Variants in GLIS3 observed in about 807,000 individuals in gnomAD.
GLIS3 encodes zinc finger protein GLIS3.
GLIS3 carries 53 observed loss-of-function variants against 78.6 expected under a neutral mutation model. The ratio of observed to expected loss-of-function variants is 0.67; its 90% confidence interval spans 0.54 to 0.85. The LOEUF (loss-of-function observed/expected upper bound fraction) is 0.85. Ranked by LOEUF, GLIS3 falls within the 40% of genes least tolerant of loss-of-function variation. The probability of loss-of-function intolerance (pLI) is 0.00; values close to 1 mark genes in which losing one functional copy is unlikely to be tolerated. For synonymous variants in GLIS3, 684 were observed against 509.9 expected, an observed-to-expected ratio of 1.34 and a Z score of -4.60; for missense variants, 1,703 against 1,231.1, an observed-to-expected ratio of 1.38 and a Z score of -5.74.
the GLIS3 span, among the ~76,000 whole-genome samples, chr9:4,419,868 A>C: frequency 6.6e-6 from 1 of 152,174 alleles, no homozygotes; most frequent in African/African-American, 2.4e-5. Flanking sequence ...CCAAGGGAGA[A>C]ATCTGCCCCC....
At chr9:4,375,889 T>C in the GLIS3 span, among the ~76,000 whole-genome samples, 1 of 152,134 alleles carries the variant, frequency 6.6e-6, no homozygotes, top group African/African-American at 2.4e-5. Flanking sequence ...AGTACAAAGA[T>C]CACAAGAGCA....
chr9:4,075,411 C>CAAAAAAAAAAAAAAAA (rs59194808), intron 4 of GLIS3, among the ~76,000 whole-genome samples: 15 of 118,106 alleles, frequency 1.3e-4, no homozygotes, highest in African/African-American at 3.2e-4. Flanking sequence ...ACTAAAAATA[C>CAAAAAAAAAAAAAAAA]AAAAAAAAAA....
chr9:4,235,151 T>A (rs1822603073), intron 2 of GLIS3, among the ~76,000 whole-genome samples: 1 of 151,740 alleles, frequency 6.6e-6, no homozygotes, highest in South Asian at 2.1e-4. Flanking sequence ...TTAAAAAAAA[T>A]CGCTGGGCGT....
intron 2 of GLIS3, among the ~76,000 whole-genome samples, chr9:4,215,569 C>G (rs1820754819): frequency 6.6e-6 from 1 of 152,146 alleles, no homozygotes; most frequent in Non-Finnish European, 1.5e-5. Context: ...AAATGTCCAT[C>G]AAAAAACCCT....
At chr9:4,021,634 A>G (rs1822892977) in intron 4 of GLIS3, among the ~76,000 whole-genome samples, 1 of 152,136 alleles carries the variant, frequency 6.6e-6, no homozygotes, top group Non-Finnish European at 1.5e-5. Context: ...CTCATTTTCA[A>G]TTAATATAAC....
chr9:4,273,550 G>A (rs773068555), intron 2 of GLIS3, among the ~76,000 whole-genome samples: 6 of 151,774 alleles, frequency 4.0e-5, no homozygotes, highest in Non-Finnish European at 8.8e-5. Flanking sequence ...CTATGATGGT[G>A]CCAATGCACT....
At chr9:4,388,036 GTT>G in the GLIS3 span, among the ~76,000 whole-genome samples, 1 of 152,120 alleles carries the variant, frequency 6.6e-6, no homozygotes. Flanking sequence ...GCGAACCAAT[GTT>G]TTGTTTTTGA....
At chr9:4,168,485 C>G (rs918151814) in intron 2 of GLIS3, among the ~76,000 whole-genome samples, 3 of 152,070 alleles carry the variant, frequency 2.0e-5, no homozygotes, top group African/African-American at 7.2e-5. Context: ...ATGAACGTCA[C>G]TATGCTTGAA....
intron 1 of GLIS3, chr9:4,298,448 T>TA (rs973612743): frequency 6.6e-6 from 3 of 451,156 alleles, no homozygotes; most frequent in African/African-American, 6.0e-5. Flanking sequence ...CTTGAGTGAC[T>TA]TCCCGGTCCC....
chr9:4,043,230 C>A (rs1824972219), intron 4 of GLIS3, among the ~76,000 whole-genome samples: 1 of 152,108 alleles, frequency 6.6e-6, no homozygotes, highest in African/African-American at 2.4e-5. Context: ...GACTTTACGT[C>A]TTTGGCAAGG....
intron 2 of GLIS3, among the ~76,000 whole-genome samples, chr9:4,231,348 C>T (rs186775487): frequency 1.3e-5 from 2 of 152,100 alleles, no homozygotes; most frequent in African/African-American, 2.4e-5. Flanking sequence ...TAAGAGGAAG[C>T]ATGGGAGAGA....
chr9:3,891,096 T>TAGGAGGAAG (rs1206052600), intron 7 of GLIS3, among the ~76,000 whole-genome samples: 5 of 136,014 alleles, frequency 3.7e-5, no homozygotes, highest in Non-Finnish European at 6.3e-5. Context: ...AAGAAGAAAG[T>TAGGAGGAAG]AGGAGGAAGA....
At chr9:3,833,902 G>GT (rs1032909798) in intron 9 of GLIS3, among the ~76,000 whole-genome samples, 2 of 151,982 alleles carry the variant, frequency 1.3e-5, no homozygotes, top group South Asian at 2.1e-4. Context: ...GTTTTGGGAA[G>GT]TTTTTTTTCC....
At chr9:3,902,812 T>TA (rs900059707) in intron 6 of GLIS3, among the ~76,000 whole-genome samples, 3 of 152,212 alleles carry the variant, frequency 2.0e-5, no homozygotes, top group African/African-American at 7.2e-5. Flanking sequence ...CAGCGAATTA[T>TA]AAAAACCTAG....
At chr9:3,976,594 G>T (rs187381208) in intron 4 of GLIS3, among the ~76,000 whole-genome samples, 2 of 151,298 alleles carry the variant, frequency 1.3e-5, no homozygotes, top group Admixed American at 6.6e-5. Context: ...AACCTCTAAT[G>T]AATTAATTTA....
intron 6 of GLIS3, among the ~76,000 whole-genome samples, chr9:3,908,361 C>T (rs934600487): frequency 1.2e-4 from 18 of 152,206 alleles, no homozygotes; most frequent in Non-Finnish European, 2.2e-4. Flanking sequence ...TTTATTCTTA[C>T]ACCTGCAGGA....
intron 4 of GLIS3, among the ~76,000 whole-genome samples, chr9:4,065,173 C>G (rs919061936): frequency 6.6e-6 from 1 of 152,136 alleles, no homozygotes; most frequent in African/African-American, 2.4e-5. Context: ...AGTTTACAAA[C>G]CAGCCCTTCC....
chr9:4,389,851 A>T, the GLIS3 span, among the ~76,000 whole-genome samples: 1 of 152,180 alleles, frequency 6.6e-6, no homozygotes, highest in Admixed American at 6.5e-5. Flanking sequence ...GCACTCTTCT[A>T]TTGGTTTATC....
At chr9:4,370,543 C>T in the GLIS3 span, among the ~76,000 whole-genome samples, 1 of 152,090 alleles carries the variant, frequency 6.6e-6, no homozygotes, top group Non-Finnish European at 1.5e-5. Flanking sequence ...TTTGATCACA[C>T]CCTCTTTTTC....
Sources: gnomAD v4.1 joint callset for allele counts (sites outside exome capture counted in the v4.1 genomes callset) on GRCh38, gnomAD v4.1.1 for gene constraint, MANE v1.5 for transcripts, NCBI Gene and HGNC (gene_info 2026-07-23, HGNC 2026-07-21) for gene names.